Variants in SSBP2 observed in about 807,000 individuals in gnomAD.
The protein encoded by SSBP2 is single-stranded DNA-binding protein 2.
SSBP2 carries 17 observed loss-of-function variants against 61.8 expected under a neutral mutation model. The observed-to-expected ratio is 0.28, with a 90% confidence interval of 0.19 to 0.41. The LOEUF is 0.41. SSBP2 is among the 10% of genes least tolerant of loss of function. SSBP2 has a pLI of 1.00. For synonymous variants in SSBP2, 139 were observed against 141.3 expected (o/e 0.98, Z 0.12); for missense variants, 310 against 458.7 (o/e 0.68, Z 2.96).
rs1335865306 is a variant in SSBP2, at chr5:81,439,808, A to C, written c.928+750T>G. 2.6e-5 allele frequency among the ~76,000 whole-genome samples: 4 copies of C among 151,240 alleles called. No individual in the cohort carries two copies. In the Admixed American group the frequency reaches 2.6e-4, roughly 10 times the overall value. ...TGCCTCAGCCTCCCAAGTAGCTGGG[A>C]CTACAGGCACCCACCACCGCGCCTG... On this transcript the variant is annotated intron_variant, in intron 14 of 16. Coordinates refer to ENST00000320672, the MANE Select transcript of SSBP2 (RefSeq NM_012446.5).
chr5:81,503,616 A>G (rs2154073543), intron 5 of SSBP2, among the ~76,000 whole-genome samples: 1 of 152,314 alleles, frequency 6.6e-6, no homozygotes, highest in South Asian at 2.1e-4. Context: ...TTCAACTAGC[A>G]ATCCTGTTAC....
intron 1 of SSBP2, among the ~76,000 whole-genome samples, chr5:81,653,267 A>G (rs1382078114): frequency 1.3e-5 from 2 of 152,112 alleles, no homozygotes; most frequent in Admixed American, 6.6e-5. Flanking sequence ...TCCCTGCAAA[A>G]GACATGAACT....
At chr5:81,615,663 T>C in intron 3 of SSBP2, 106 bp from the exon 4 acceptor site, 1 of 743,020 alleles carries the variant, frequency 1.3e-6, no homozygotes, top group Non-Finnish European at 2.2e-6. Flanking sequence ...AAATGTTTTG[T>C]CTTCAGAACA....
At chr5:81,435,350 C>A (rs1211661752) in intron 15 of SSBP2, among the ~76,000 whole-genome samples, 1 of 152,154 alleles carries the variant, frequency 6.6e-6, no homozygotes. Context: ...GGAACTCCTG[C>A]CTAAGAATAA....
chr5:81,669,046 C>CA (rs559587446), intron 1 of SSBP2, among the ~76,000 whole-genome samples: 14 of 151,962 alleles, frequency 9.2e-5, no homozygotes, highest in African/African-American at 3.4e-4. Context: ...CAGTAAAAGA[C>CA]AAAATGGAAG....
rs1761208036 is a variant in SSBP2 at position 81,413,479 on chromosome 5, T to C, written c.*7025A>G. The C allele has an allele frequency of 3.3e-5, 5 of 152,188 alleles. No individual in the cohort carries two copies. Among genetic ancestry groups the C allele is most frequent in the Admixed American group, 3.3e-4 (5 of 15,278 alleles). The allele number at this position is 152,188 out of a possible 1,614,324, so 9.4% of individuals were successfully genotyped here. A position where few individuals can be genotyped will look rare whatever the true frequency, so the allele number is the denominator to read the frequency against. On this transcript the variant is annotated 3_prime_UTR_variant, in exon 17 of 17. Coordinates refer to ENST00000320672, the MANE Select transcript of SSBP2 (RefSeq NM_012446.5). Reference sequence around the variant, plus strand: ...ATACTTCTATTTTTCCAGGAAGATATTATAGGTAACAATTTAACACATGTA... The same window carrying C: ...ATACTTCTATTTTTCCAGGAAGATACTATAGGTAACAATTTAACACATGTA...
chr5:81,424,462 A>T (rs1268866000), intron 16 of SSBP2, among the ~76,000 whole-genome samples: 2 of 152,058 alleles, frequency 1.3e-5, no homozygotes, highest in Non-Finnish European at 2.9e-5. Flanking sequence ...AAAAGAAAGA[A>T]AAGAAAAAGG....
At chr5:81,728,160 G>A (rs1405499465) in intron 1 of SSBP2, among the ~76,000 whole-genome samples, 3 of 152,174 alleles carry the variant, frequency 2.0e-5, no homozygotes, top group Non-Finnish European at 2.9e-5. Flanking sequence ...TATTCTAAAG[G>A]TAATGGGGAG....
intron 1 of SSBP2, among the ~76,000 whole-genome samples, chr5:81,729,124 C>A (rs924408301): frequency 6.6e-6 from 1 of 151,784 alleles, no homozygotes; most frequent in South Asian, 2.1e-4. Flanking sequence ...ATTTTTCAAT[C>A]AAAAATATTA....
rs1761222120 is a variant in SSBP2, at chr5:81,414,024, C to A, written c.*6480G>T. 6.6e-6 allele frequency: 1 copy of A among 152,046 alleles called. No individual in the cohort carries two copies. Among genetic ancestry groups the A allele is most frequent in the African/African-American group, 2.4e-5 (1 of 41,398 alleles). 9.4% of individuals were successfully genotyped at this position (152,046 alleles called of 1,614,324 possible). On this transcript the variant is annotated 3_prime_UTR_variant, in exon 17 of 17. Transcript: ENST00000320672. ...GTGTTAATATTGACTAGGAGTAAGT[C>A]CTTTACATCATTTTTTCTAGGAACA...
chr5:81,425,081 A>G (rs1761868812), intron 16 of SSBP2, among the ~76,000 whole-genome samples: 2 of 152,210 alleles, frequency 1.3e-5, no homozygotes, highest in South Asian at 2.1e-4. Flanking sequence ...ATGTATACCA[A>G]CTTATTTTAT....
chr5:81,734,617 A>G (rs1187239180), intron 1 of SSBP2, among the ~76,000 whole-genome samples: 1 of 152,246 alleles, frequency 6.6e-6, no homozygotes, highest in Non-Finnish European at 1.5e-5. Flanking sequence ...AATTGATATC[A>G]AAATCATTAC....
intron 1 of SSBP2, among the ~76,000 whole-genome samples, chr5:81,741,308 G>A (rs1757008828): frequency 6.6e-6 from 1 of 152,192 alleles, no homozygotes; most frequent in African/African-American, 2.4e-5. Flanking sequence ...AAATAGAATG[G>A]TAGTTGTCAA....
rs559834574 is a variant in SSBP2, at chr5:81,542,691, T to A, written c.283-28974A>T. 2.0e-5 allele frequency among the ~76,000 whole-genome samples: 3 copies of A among 152,196 alleles called. No individual in the cohort carries two copies. In the South Asian group the frequency reaches 6.2e-4, roughly 32 times the overall value. ...ATCTCATCTGGAATTGTAATCCTCATAATCCCCATGTGTCGAGGGAAGGAC... is the reference window on the plus strand; with the variant it reads ...ATCTCATCTGGAATTGTAATCCTCAAAATCCCCATGTGTCGAGGGAAGGAC... On this transcript the variant is annotated intron_variant, in intron 4 of 16. Coordinates refer to ENST00000320672, the MANE Select transcript of SSBP2 (RefSeq NM_012446.5).
At chr5:81,599,177 C>T (rs368891639) in intron 4 of SSBP2, among the ~76,000 whole-genome samples, 14 of 152,078 alleles carry the variant, frequency 9.2e-5, no homozygotes, top group Admixed American at 1.3e-4. Context: ...GGAAGGATGA[C>T]GAATACTCAA....
At chr5:81,749,922 C>T (rs1757610608) in intron 1 of SSBP2, among the ~76,000 whole-genome samples, 1 of 152,170 alleles carries the variant, frequency 6.6e-6, no homozygotes, top group African/African-American at 2.4e-5. Flanking sequence ...GAACGCTTCT[C>T]CCCTCCCACA....
intron 5 of SSBP2, among the ~76,000 whole-genome samples, chr5:81,507,158 A>G (rs1488689240): frequency 6.6e-6 from 1 of 152,182 alleles, no homozygotes; most frequent in African/African-American, 2.4e-5. Flanking sequence ...AACTACCACT[A>G]GATGGCAAGG....
intron 1 of SSBP2, among the ~76,000 whole-genome samples, chr5:81,749,357 C>G (rs1045678965): frequency 6.6e-6 from 1 of 152,186 alleles, no homozygotes; most frequent in African/African-American, 2.4e-5. Flanking sequence ...CCTCTAAATC[C>G]TATGGGAATT....
intron 4 of SSBP2, among the ~76,000 whole-genome samples, chr5:81,560,770 C>T (rs1772981858): frequency 6.6e-6 from 1 of 152,054 alleles, no homozygotes; most frequent in Non-Finnish European, 1.5e-5. Flanking sequence ...TGACAATAAA[C>T]ATTGTATATA....
Sources: allele counts gnomAD v4.1 joint callset (sites outside exome capture counted in the v4.1 genomes callset), GRCh38; gene constraint gnomAD v4.1.1; transcripts MANE v1.5; gene names NCBI Gene and HGNC (gene_info 2026-07-23, HGNC 2026-07-21).